Variants in ADAM20 observed in about 807,000 individuals in gnomAD.
ADAM20 encodes ADAM metallopeptidase domain 20, also known as disintegrin and metalloproteinase domain-containing protein 20.
For missense variants in ADAM20, 871 were observed against 883.2 expected, an observed-to-expected ratio of 0.99 and a Z score of 0.18; for synonymous variants, 305 against 310.2, an observed-to-expected ratio of 0.98 and a Z score of 0.18.
At chr14:70,538,103 A>G (rs1883872536), upstream of ADAM20, among the ~76,000 whole-genome samples, 2 of 151,978 alleles carry the variant, frequency 1.3e-5, no homozygotes, top group South Asian at 4.2e-4. Context: ...CCCCTGCATC[A>G]TGATGCTCCT....
the ADAM20 span, among the ~76,000 whole-genome samples, chr14:70,566,816 T>C: frequency 6.6e-6 from 1 of 151,842 alleles, no homozygotes; most frequent in African/African-American, 2.4e-5. Context: ...CTCATCTCTA[T>C]TAAAAATACA....
At chr14:70,529,888 A>G (rs1454611451) in intron 1 of ADAM20, among the ~76,000 whole-genome samples, 6 of 152,228 alleles carry the variant, frequency 3.9e-5, no homozygotes, top group Admixed American at 3.3e-4. Flanking sequence ...TTAGCTTACT[A>G]TAACTTTTTT....
At position 70,524,829 on chromosome 14, in the gene ADAM20, C is replaced by T; in HGVS notation, c.-72G>A. On this transcript the variant is annotated 5_prime_UTR_variant, in exon 2 of 2. Transcript: ENST00000256389. ...AAGGTGTGAGGCACTGCTGGTCTGG[C>T]TCCTCCCTCTGAGCTGTTCAGGGTG... is the stretch of plus-strand genomic sequence containing the variant. 1 of 1,613,302 alleles carries T rather than the reference C, an allele frequency of 6.2e-7. No individual in the cohort carries two copies. The highest frequency in any genetic ancestry group is 8.5e-7 in the Non-Finnish European group (1 of 1,179,926).
chr14:70,525,558 A>C (rs1482028560), intron 1 of ADAM20, among the ~76,000 whole-genome samples: 1 of 152,056 alleles, frequency 6.6e-6, no homozygotes, highest in Non-Finnish European at 1.5e-5. Context: ...TTCTGACACA[A>C]ATCTTTCTTC....
At position 70,522,569 on chromosome 14, in the gene ADAM20, C is replaced by A; in HGVS notation, c.*8G>T. On this transcript the variant is annotated 3_prime_UTR_variant, in exon 2 of 2. Coordinates refer to ENST00000256389, the MANE Select transcript of ADAM20 (RefSeq NM_003814.5). ...TAAAGTTTAGTCTCCTTCTTTTTCC[C>A]ATTTCTCTTATCCTTCTTCATCTTC... The A allele has an allele frequency of 6.4e-7, 1 of 1,558,208 alleles. No homozygotes were observed. Among genetic ancestry groups the A allele is most frequent in the South Asian group, 1.2e-5 (1 of 82,644 alleles).
At chr14:70,571,893 C>A in the ADAM20 span, among the ~76,000 whole-genome samples, 5 of 151,866 alleles carry the variant, frequency 3.3e-5, no homozygotes, top group African/African-American at 7.3e-5. Flanking sequence ...TAGCCACACA[C>A]AAAAAATAAG....
At chr14:70,558,434 T>C in the ADAM20 span, among the ~76,000 whole-genome samples, 1 of 152,148 alleles carries the variant, frequency 6.6e-6, no homozygotes, top group African/African-American at 2.4e-5. Flanking sequence ...GCTGGTGAAT[T>C]ACTTAACTTT....
chr14:70,558,152 T>G, the ADAM20 span, among the ~76,000 whole-genome samples: 28 of 152,206 alleles, frequency 1.8e-4, no homozygotes, highest in African/African-American at 6.3e-4. Flanking sequence ...TTGTAAAATC[T>G]GAAGGAGAAA....
At chr14:70,538,265 C>T (rs1396363890), upstream of ADAM20, among the ~76,000 whole-genome samples, 2 of 152,184 alleles carry the variant, frequency 1.3e-5, no homozygotes, top group Non-Finnish European at 2.9e-5. Context: ...GAAGGCACTG[C>T]TCGCATTCAT....
the ADAM20 span, among the ~76,000 whole-genome samples, chr14:70,568,225 T>C: frequency 6.6e-6 from 1 of 152,086 alleles, no homozygotes; most frequent in Non-Finnish European, 1.5e-5. Flanking sequence ...GCTACAACAA[T>C]CAGCATCTAA....
upstream of ADAM20, among the ~76,000 whole-genome samples, chr14:70,538,849 G>A (rs957481638): frequency 6.6e-6 from 1 of 152,208 alleles, no homozygotes; most frequent in African/African-American, 2.4e-5. Flanking sequence ...CCAGGTTGGA[G>A]TGCAGTGGCA....
chr14:70,548,919 C>A, the ADAM20 span, among the ~76,000 whole-genome samples: 1 of 120,826 alleles, frequency 8.3e-6, no homozygotes, highest in African/African-American at 3.3e-5. Flanking sequence ...GTCGGGTTAC[C>A]CTCAAAGGAA....
In ADAM20 at chr14:70,523,541, C is replaced by G; in HGVS notation, c.1217G>C (p.Arg406Thr). The change falls in exon 2 of 2, where the codon AGA becomes ACA. Residue 406 changes from arginine to threonine, a missense_variant. Physicochemically the swap from Arg to Thr is moderately conservative, Grantham distance 71. Coordinates refer to ENST00000256389, the MANE Select transcript of ADAM20 (RefSeq NM_003814.5). The stretch of plus-strand genomic sequence containing the variant: ...CACTAGATTCCCACAGTACTTCAGT[C>G]TAAATATATTCCCTGGATATGGAGG... ...QPPPYPGNIF[R>T]LKYCGNLVVE... 1 of 1,614,086 alleles carries G rather than the reference C, an allele frequency of 6.2e-7. No individual in the cohort carries two copies. The highest frequency in any genetic ancestry group is 8.5e-7 in the Non-Finnish European group (1 of 1,179,980).
intron 1 of ADAM20, among the ~76,000 whole-genome samples, chr14:70,527,906 T>A (rs1010852344): frequency 6.6e-6 from 1 of 152,198 alleles, no homozygotes; most frequent in Admixed American, 6.5e-5. Context: ...TACCCTTATC[T>A]AAATCATCTA....
chr14:70,554,028 C>T, the ADAM20 span, among the ~76,000 whole-genome samples: 7 of 152,086 alleles, frequency 4.6e-5, no homozygotes, highest in Non-Finnish European at 1.0e-4. Flanking sequence ...ACCTTATATT[C>T]GGAAAACCTA....
chr14:70,536,739 C>T (rs1389630706), upstream of ADAM20, among the ~76,000 whole-genome samples: 1 of 151,956 alleles, frequency 6.6e-6, no homozygotes, highest in East Asian at 1.9e-4. Context: ...ATAAACCTCT[C>T]CCCAACCAGA....
rs1461381836 is a variant in ADAM20, at chr14:70,524,443, G to C, written c.315C>G (p.Ile105Met). Residue 105 changes from isoleucine (I) to methionine (M), a missense_variant, in exon 2 of 2, where the codon ATC becomes ATG. Ile to Met is a conservative substitution (Grantham distance 10). Transcript: ENST00000256389. ...QHALLQDQPF[I>M]QDDCYYHGYV... ...AACCATGGTAGTAGCAGTCATCCTG[G>C]ATGAAGGGCTGATCCTGGAGCAGGG... 1 of 1,614,026 alleles carries C rather than the reference G, an allele frequency of 6.2e-7. No homozygotes were observed. The highest frequency in any genetic ancestry group is 2.2e-5 in the East Asian group (1 of 44,888).
the ADAM20 span, among the ~76,000 whole-genome samples, chr14:70,568,673 G>C: frequency 2.2e-4 from 34 of 151,976 alleles, no homozygotes; most frequent in Non-Finnish European, 4.4e-4. Context: ...GCTGTATTAA[G>C]AAAAAAACAA....
chr14:70,546,906 C>A, the ADAM20 span, among the ~76,000 whole-genome samples: 1 of 151,908 alleles, frequency 6.6e-6, no homozygotes, highest in Non-Finnish European at 1.5e-5. Context: ...ACAACAACAA[C>A]AAAAAGCTGG....
Sources: allele counts gnomAD v4.1 joint callset (sites outside exome capture counted in the v4.1 genomes callset), GRCh38; gene constraint gnomAD v4.1.1; transcripts MANE v1.5; gene names NCBI Gene and HGNC (gene_info 2026-07-23, HGNC 2026-07-21).